Variants in FANK1 observed in about 807,000 individuals in gnomAD.
The protein encoded by FANK1 is fibronectin type III and ankyrin repeat domains 1.
In FANK1, 44 loss-of-function variants were observed where a neutral mutation model predicts 45.3. The observed-to-expected ratio is 0.97, with a 90% CI of 0.76 to 1.25. The LOEUF (loss-of-function observed/expected upper bound fraction) is 1.25. Ranked by LOEUF, FANK1 falls within the 50% of genes most tolerant of loss-of-function variation. The pLI is 0.00. For synonymous variants in FANK1, 149 were observed against 152.5 expected (o/e 0.98, Z 0.17); for missense variants, 391 against 424.4 (o/e 0.92, Z 0.69).
intron 3 of FANK1, chr10:125,994,492 G>A (rs1449038573): frequency 1.0e-6 from 1 of 985,266 alleles, no homozygotes; most frequent in African/African-American, 1.7e-5. Flanking sequence ...TATGTAAGAA[G>A]TGGTGGGGCT....
intron 1 of FANK1, among the ~76,000 whole-genome samples, chr10:125,930,501 T>C (rs1330018678): frequency 7.5e-6 from 1 of 133,716 alleles, no homozygotes; most frequent in Non-Finnish European, 1.6e-5. Context: ...CACACTCAAC[T>C]TTTTTTTTTT....
chr10:125,928,744 C>T (rs113021241), intron 1 of FANK1, among the ~76,000 whole-genome samples: 2,712 of 152,218 alleles, frequency 0.018, 85 homozygotes, highest in African/African-American at 0.062. Flanking sequence ...TAATACTGGT[C>T]ATTTAGTTGT....
At chr10:125,996,487 C>G (rs1245049877) in intron 4 of FANK1, 63 bp from the exon 5 acceptor site, 1 of 1,512,692 alleles carries the variant, frequency 6.6e-7, no homozygotes, top group Non-Finnish European at 9.1e-7. Context: ...GTGAGAACCA[C>G]CGGCTTTGAC....
intron 1 of FANK1, among the ~76,000 whole-genome samples, chr10:125,932,978 TTTTG>T (rs773685801): frequency 6.6e-6 from 1 of 152,162 alleles, no homozygotes; most frequent in African/African-American, 2.4e-5. Flanking sequence ...TTTTTTTAAA[TTTTG>T]TTTGTGTGGT....
At chr10:125,949,162 A>AT (rs1296219842) in intron 1 of FANK1, among the ~76,000 whole-genome samples, 1 of 151,968 alleles carries the variant, frequency 6.6e-6, no homozygotes, top group Non-Finnish European at 1.5e-5. Flanking sequence ...AGCCAATATC[A>AT]TACTGAATGG....
At chr10:126,007,789 G>T (rs754966137) in intron 7 of FANK1, among the ~76,000 whole-genome samples, 1 of 152,278 alleles carries the variant, frequency 6.6e-6, no homozygotes, top group East Asian at 1.9e-4. Flanking sequence ...AATTGGAAGC[G>T]ACAATATTTA....
chr10:125,964,548 T>TA (rs1433529733), intron 1 of FANK1, among the ~76,000 whole-genome samples: 1 of 152,210 alleles, frequency 6.6e-6, no homozygotes, highest in African/African-American at 2.4e-5. Flanking sequence ...GATTCGACCT[T>TA]ACCCTCGATT....
chr10:125,965,973 T>A (rs540470283), intron 1 of FANK1, among the ~76,000 whole-genome samples: 1 of 152,340 alleles, frequency 6.6e-6, no homozygotes, highest in Admixed American at 6.5e-5. Context: ...CATTATTTTT[T>A]TGTTTGCAGT....
intron 1 of FANK1, among the ~76,000 whole-genome samples, chr10:125,936,432 C>CA (rs11405392): frequency 0.029 from 3,347 of 115,134 alleles, 63 homozygotes; most frequent in African/African-American, 0.052. Flanking sequence ...GATGCTGTCT[C>CA]AAAAAAAAAA....
intron 1 of FANK1, among the ~76,000 whole-genome samples, chr10:125,903,820 A>C (rs1478237243): frequency 2.6e-5 from 4 of 151,770 alleles, no homozygotes; most frequent in Non-Finnish European, 5.9e-5. Context: ...CTCTCTCTAT[A>C]TATAAATATA....
At chr10:125,919,222 T>TTC (rs71029274) in intron 1 of FANK1, among the ~76,000 whole-genome samples, 1 of 130,872 alleles carries the variant, frequency 7.6e-6, no homozygotes, top group Non-Finnish European at 1.6e-5. Flanking sequence ...TTTTTTTTTT[T>TTC]TGTGACAGAG....
intron 1 of FANK1, among the ~76,000 whole-genome samples, chr10:125,954,106 A>G (rs1259843645): frequency 6.6e-6 from 1 of 152,232 alleles, no homozygotes; most frequent in Non-Finnish European, 1.5e-5. Flanking sequence ...GTACAATCTA[A>G]GCAGAACCTG....
intron 6 of FANK1, among the ~76,000 whole-genome samples, chr10:126,003,320 T>C (rs1952919539): frequency 6.6e-6 from 1 of 152,072 alleles, no homozygotes; most frequent in Non-Finnish European, 1.5e-5. Flanking sequence ...CCCAGCACTT[T>C]GGGAGGCCGA....
Position 125,980,275 on chromosome 10 carries a change from AGTGGTT to A in FANK1, c.129_134del (p.Gln43_Phe45delinsHis). 6.2e-7 allele frequency: 1 copy of A among 1,614,178 alleles called. No homozygotes were observed. Among genetic ancestry groups the A allele is most frequent in the South Asian group, 1.1e-5 (1 of 91,080 alleles). On this transcript the variant is annotated inframe_deletion, in exon 2 of 11. Coordinates refer to ENST00000368693, the MANE Select transcript of FANK1 (RefSeq NM_145235.5). ...GCCAAACGCCAAGGACCTCAAGAGC[AGTGGTT>A]CAGGTTCTCGATTGAAGAAGAAGAC...
chr10:125,941,649 C>T (rs576487039), intron 1 of FANK1, among the ~76,000 whole-genome samples: 5 of 152,300 alleles, frequency 3.3e-5, no homozygotes, highest in African/African-American at 9.6e-5. Flanking sequence ...GACCACATGC[C>T]CATTGTGAGG....
At chr10:125,934,533 A>G (rs888485615) in intron 1 of FANK1, among the ~76,000 whole-genome samples, 2 of 151,834 alleles carry the variant, frequency 1.3e-5, no homozygotes, top group African/African-American at 4.8e-5. Context: ...TGTGGGCAGA[A>G]TTCCAGTCCT....
chr10:125,956,954 A>T (rs926472025), intron 1 of FANK1, among the ~76,000 whole-genome samples: 3 of 152,154 alleles, frequency 2.0e-5, no homozygotes, highest in Non-Finnish European at 4.4e-5. Flanking sequence ...TCCCGGGTTC[A>T]AGCGATTCTC....
chr10:126,004,462 G>A (rs1332815620), intron 6 of FANK1: 1 of 157,178 alleles, frequency 6.4e-6, no homozygotes, highest in Non-Finnish European at 1.4e-5. Context: ...TCTACTTCCA[G>A]AATATTCATC....
chr10:125,898,173 G>A (rs1330011485), intron 1 of FANK1, among the ~76,000 whole-genome samples: 2 of 152,034 alleles, frequency 1.3e-5, no homozygotes, highest in African/African-American at 2.4e-5. Context: ...GTGACAGAGC[G>A]AGACTCCATC....
Sources: gnomAD v4.1 joint callset for allele counts (sites outside exome capture counted in the v4.1 genomes callset) on GRCh38, gnomAD v4.1.1 for gene constraint, MANE v1.5 for transcripts, NCBI Gene and HGNC (gene_info 2026-07-23, HGNC 2026-07-21) for gene names.